TMEM266: variants seen among roughly 807,000 people sequenced by gnomAD.
TMEM266 encodes transmembrane protein 266, also known as Hv1 related protein 1.
TMEM266 carries 33 observed loss-of-function variants against 50.5 expected under a neutral mutation model. The ratio of observed to expected loss-of-function variants is 0.65; its 90% CI spans 0.50 to 0.87. The LOEUF (loss-of-function observed/expected upper bound fraction) is 0.87, where lower values mean the gene tolerates loss of function less well. Among genes scored for constraint, TMEM266 ranks in the 40% least tolerant of loss-of-function variants. The pLI is 0.00. For synonymous variants in TMEM266, 310 were observed against 292.3 expected, an observed-to-expected ratio of 1.06 and a Z score of -0.62; for missense variants, 655 against 695.1, an observed-to-expected ratio of 0.94 and a Z score of 0.65.
chr15:76,125,390 A>T (rs1182331425), intron 1 of TMEM266, among the ~76,000 whole-genome samples: 2 of 152,108 alleles, frequency 1.3e-5, no homozygotes, highest in African/African-American at 2.4e-5. Flanking sequence ...ATATCTGATA[A>T]GCAGTTATCA....
chr15:76,191,916 GC>G (rs1291720662), intron 8 of TMEM266, 51 bp from the exon 9 acceptor site: 9 of 1,494,736 alleles, frequency 6.0e-6, no homozygotes, highest in Non-Finnish European at 8.0e-6. Context: ...CAGGCTGGAG[GC>G]CCCCGCCGGC....
At chr15:76,111,161 A>G (rs1331190986) in intron 1 of TMEM266, among the ~76,000 whole-genome samples, 2 of 151,874 alleles carry the variant, frequency 1.3e-5, no homozygotes, top group Admixed American at 6.6e-5. Context: ...GCTCACTGCA[A>G]CCTTTGCCTC....
At chr15:76,162,109 G>A (rs1417065509) in intron 5 of TMEM266, among the ~76,000 whole-genome samples, 9 of 152,176 alleles carry the variant, frequency 5.9e-5, no homozygotes, top group Admixed American at 2.6e-4. Context: ...CCAAACCAGG[G>A]AAGGGCTGGG....
At chr15:76,171,989 G>C (rs1273357702) in intron 7 of TMEM266, among the ~76,000 whole-genome samples, 1 of 152,168 alleles carries the variant, frequency 6.6e-6, no homozygotes. Context: ...GAAGGGGGAA[G>C]ACTCAAGTCG....
intron 3 of TMEM266, among the ~76,000 whole-genome samples, chr15:76,140,186 A>T (rs926676837): frequency 6.6e-6 from 1 of 152,228 alleles, no homozygotes; most frequent in Non-Finnish European, 1.5e-5. Context: ...AGCCCGAGGA[A>T]GGGATCTGCC....
intron 10 of TMEM266, among the ~76,000 whole-genome samples, chr15:76,202,664 C>T (rs1875888): frequency 0.28 from 43,007 of 151,890 alleles, 6,488 homozygotes; most frequent in East Asian, 0.56. Context: ...GGGTACATTC[C>T]TGCTGGATGT....
intron 1 of TMEM266, among the ~76,000 whole-genome samples, chr15:76,122,610 A>G (rs1292331577): frequency 3.3e-5 from 5 of 152,214 alleles, no homozygotes; most frequent in African/African-American, 7.2e-5. Context: ...GGTGGCATTT[A>G]TACTTAAGAT....
At chr15:76,172,135 G>A (rs1224336125) in intron 7 of TMEM266, among the ~76,000 whole-genome samples, 1 of 152,186 alleles carries the variant, frequency 6.6e-6, no homozygotes, top group African/African-American at 2.4e-5. Context: ...TGACCAGGAG[G>A]TTGTATAGAC....
Position 76,203,738 on chromosome 15 carries a change from C to G in TMEM266, c.1022-3C>G, listed in dbSNP as rs2038787209. 6.2e-7 allele frequency: 1 copy of G among 1,609,112 alleles called. No individual in the cohort carries two copies. The highest frequency in any genetic ancestry group is 1.1e-5 in the South Asian group (1 of 90,554). On this transcript the variant is annotated splice_polypyrimidine_tract_variant and splice_region_variant and intron_variant, in intron 10 of 10. Transcript: ENST00000388942. ...GTGACCAAGATCCCCTCCTACCTTG[C>G]AGACAGCGGTGTCCCAGAGCCAGCT...
intron 1 of TMEM266, among the ~76,000 whole-genome samples, chr15:76,109,929 G>A (rs1343688504): frequency 1.3e-5 from 2 of 151,654 alleles, no homozygotes; most frequent in Non-Finnish European, 2.9e-5. Flanking sequence ...TAAAGTGCTG[G>A]GATTATAGGT....
chr15:76,111,286 G>T (rs1436183037), intron 1 of TMEM266, among the ~76,000 whole-genome samples: 1 of 151,774 alleles, frequency 6.6e-6, no homozygotes, highest in Admixed American at 6.6e-5. Flanking sequence ...TCACCATGTT[G>T]GTCAGGCTGG....
At chr15:76,184,416 C>A (rs114666627) in intron 8 of TMEM266, among the ~76,000 whole-genome samples, 179 of 152,276 alleles carry the variant, frequency 1.2e-3, no homozygotes, top group African/African-American at 4.2e-3. Context: ...TGGAAAGGGG[C>A]CAAGGTCGAT....
In TMEM266 at chr15:76,203,916, T is replaced by C; in HGVS notation, c.1197T>C (p.Ser399=). The C allele has an allele frequency of 6.2e-7, 1 of 1,613,756 alleles. No individual in the cohort carries two copies. Among genetic ancestry groups the C allele is most frequent in the African/African-American group, 1.3e-5 (1 of 74,940 alleles). Residue 399 remains serine (S), a synonymous_variant, in exon 11 of 11, where the codon AGT becomes AGC. Coordinates refer to ENST00000388942, the MANE Select transcript of TMEM266 (RefSeq NM_152335.3). Reference sequence around the variant, plus strand: ...GCAGCTCAGTCACCCGGGCCCAGAGTGACAGCAGCCAGACGCTGGGCTCCT... The same window carrying C: ...GCAGCTCAGTCACCCGGGCCCAGAGCGACAGCAGCCAGACGCTGGGCTCCT... ...AQSDSSQTLG[S]SMDCSTAREE...
chr15:76,180,250 T>C (rs2038377837), intron 8 of TMEM266, among the ~76,000 whole-genome samples: 1 of 152,198 alleles, frequency 6.6e-6, no homozygotes, highest in Non-Finnish European at 1.5e-5. Flanking sequence ...TTTAATCTGT[T>C]ATGTCCTCTG....
chr15:76,194,974 C>T (rs1183095204), intron 9 of TMEM266, among the ~76,000 whole-genome samples: 1 of 152,196 alleles, frequency 6.6e-6, no homozygotes, highest in Non-Finnish European at 1.5e-5. Flanking sequence ...CCCCGGGCTG[C>T]TTCCCCAGCC....
Position 76,123,713 on chromosome 15 carries a change from C to CTT in TMEM266, c.-96-10445_-96-10444dup, listed in dbSNP as rs573502236. The stretch of plus-strand genomic sequence containing the variant: ...ATATGCCTATCCCCAAGGGATGAAT[C>CTT]TTTTTTTTTTTGAGATGGAGTCTTG... On this transcript the variant is annotated intron_variant, in intron 1 of 10. Coordinates refer to ENST00000388942, the MANE Select transcript of TMEM266 (RefSeq NM_152335.3). Among the ~76,000 whole-genome samples, 775 of 147,522 alleles carry CTT rather than the reference C, an allele frequency of 5.3e-3. 8 individuals carry two copies. Among genetic ancestry groups the CTT allele is most frequent in the African/African-American group, 0.018 (745 of 40,480 alleles).
chr15:76,068,484 A>T (rs1271825559), intron 1 of TMEM266, among the ~76,000 whole-genome samples: 1 of 152,178 alleles, frequency 6.6e-6, no homozygotes, highest in East Asian at 1.9e-4. Context: ...CCCCTCCAAA[A>T]AATATATGTA....
chr15:76,103,802 C>T (rs1042952506), intron 1 of TMEM266, among the ~76,000 whole-genome samples: 2 of 151,784 alleles, frequency 1.3e-5, no homozygotes, highest in Non-Finnish European at 2.9e-5. Flanking sequence ...GTCCCAGCTA[C>T]TTGGGAGGCT....
At chr15:76,172,736 T>C (rs2038205266) in intron 7 of TMEM266, among the ~76,000 whole-genome samples, 1 of 152,288 alleles carries the variant, frequency 6.6e-6, no homozygotes, top group Admixed American at 6.5e-5. Context: ...GAGGGTCACA[T>C]AGTGAATCAG....
Sources: allele counts gnomAD v4.1 joint callset (sites outside exome capture counted in the v4.1 genomes callset), GRCh38; gene constraint gnomAD v4.1.1; transcripts MANE v1.5; gene names NCBI Gene and HGNC (gene_info 2026-07-23, HGNC 2026-07-21).